PCDHGB6: variants seen among roughly 807,000 people sequenced by gnomAD.
PCDHGB6 encodes protocadherin gamma subfamily B, 6, also known as protocadherin gamma-B6.
In PCDHGB6, 51 loss-of-function variants were observed where a neutral mutation model predicts 59.1. The ratio of observed to expected loss-of-function variants is 0.86; its 90% CI spans 0.69 to 1.09. The LOEUF (loss-of-function observed/expected upper bound fraction) is 1.09. PCDHGB6 is among the 50% of genes least tolerant of loss of function. PCDHGB6 has a pLI of 0.00. For missense variants in PCDHGB6, 1,148 were observed against 1,205.1 expected (o/e 0.95, Z 0.70); for synonymous variants, 466 against 495.1 (o/e 0.94, Z 0.78).
Position 141,491,019 on chromosome 5 carries a change from A to G in PCDHGB6, c.2419-3788A>G. 5 of 1,614,116 alleles carry G rather than the reference A, an allele frequency of 3.1e-6. No individual in the cohort carries two copies. The highest frequency in any genetic ancestry group is 4.2e-6 in the Non-Finnish European group (5 of 1,180,026). ...CTGGCTCCTTGGTCACCAAGGTGAC[A>G]GCCGTGGATGCTGATGCAGGCCACA... On this transcript the variant is annotated intron_variant, in intron 1 of 3. Coordinates refer to ENST00000520790, the MANE Select transcript of PCDHGB6 (RefSeq NM_018926.3). This position sits in a 1 kb window ranked among gnomAD's most constrained non-coding sequence, Gnocchi z 6.9.
At chr5:141,419,471 G>A in intron 1 of PCDHGB6, 1 of 1,612,462 alleles carries the variant, frequency 6.2e-7, no homozygotes, top group Non-Finnish European at 8.5e-7. Context: ...CCGCGACCAG[G>A]GCTCGCCCGC....
intron 1 of PCDHGB6, among the ~76,000 whole-genome samples, chr5:141,484,321 G>A (rs2099594762): frequency 6.6e-6 from 1 of 152,124 alleles, no homozygotes; most frequent in Non-Finnish European, 1.5e-5. Flanking sequence ...CTTCCATACT[G>A]TCCTTGAAAT....
intron 1 of PCDHGB6, among the ~76,000 whole-genome samples, chr5:141,425,585 A>G (rs1270579511): frequency 6.6e-6 from 1 of 152,252 alleles, no homozygotes; most frequent in African/African-American, 2.4e-5. Flanking sequence ...GGCTAACTTT[A>G]TTCTGAATAT....
At chr5:141,415,524 C>G in intron 1 of PCDHGB6, 1 of 1,614,154 alleles carries the variant, frequency 6.2e-7, no homozygotes, top group Non-Finnish European at 8.5e-7. Context: ...CGGACACGCT[C>G]ATCAGCCAGG....
intron 1 of PCDHGB6, among the ~76,000 whole-genome samples, chr5:141,460,951 G>GTATATA (rs200454978): frequency 7.2e-6 from 1 of 139,722 alleles, no homozygotes; most frequent in African/African-American, 2.8e-5. Flanking sequence ...TATGTATTAT[G>GTATATA]TATATATATA....
Position 141,512,594 on chromosome 5 carries a change from G to C in PCDHGB6, c.*1421G>C, listed in dbSNP as rs981124898. On this transcript the variant is annotated 3_prime_UTR_variant, in exon 4 of 4. Transcript: ENST00000520790. ...CACCCCCTTCTGCCCCTGGGTCCCC[G>C]GCCATCCAGCGGGGCTGCCAGAGAA... 1 of 152,812 alleles carries C rather than the reference G, an allele frequency of 6.5e-6. No homozygotes were observed. The highest frequency in any genetic ancestry group is 6.5e-5 in the Admixed American group (1 of 15,280). The allele number at this position is 152,812 out of a possible 1,614,324, so 9.5% of individuals were successfully genotyped here. A position where few individuals can be genotyped will look rare whatever the true frequency, so the allele number is the denominator to read the frequency against.
intron 1 of PCDHGB6, among the ~76,000 whole-genome samples, chr5:141,446,065 G>T (rs1285093512): frequency 2.0e-5 from 3 of 152,306 alleles, no homozygotes; most frequent in African/African-American, 7.2e-5. Flanking sequence ...GATTAAAGGG[G>T]AGGCAGTGGA....
intron 1 of PCDHGB6, among the ~76,000 whole-genome samples, chr5:141,443,297 A>G (rs1208893030): frequency 6.7e-6 from 1 of 148,196 alleles, no homozygotes; most frequent in East Asian, 2.0e-4. Context: ...CCTGGACAGC[A>G]TGGCAAAAAC....
At chr5:141,453,001 G>C (rs1225973632) in intron 1 of PCDHGB6, among the ~76,000 whole-genome samples, 3 of 152,168 alleles carry the variant, frequency 2.0e-5, no homozygotes, top group African/African-American at 7.2e-5. Flanking sequence ...AAAGTTACCT[G>C]TAGTATAGTT....
At chr5:141,418,802 T>G (rs775155011) in intron 1 of PCDHGB6, 1 of 1,613,862 alleles carries the variant, frequency 6.2e-7, no homozygotes, top group Non-Finnish European at 8.5e-7. Flanking sequence ...AGTAGAAAGA[T>G]ATACGATAAA....
Position 141,432,878 on chromosome 5 carries a change from TTCGTCA to T in PCDHGB6, c.2418+22261_2418+22266del. 6.2e-7 allele frequency: 1 copy of T among 1,614,178 alleles called. No individual in the cohort carries two copies. The highest frequency in any genetic ancestry group is 1.7e-5 in the Admixed American group (1 of 60,036). Reference sequence around the variant, plus strand: ...CGCGGTCTCCTGCGTCTTCCTGGCCTTCGTCATCTTGCTGCTGGCGCTCAGGCTGCG... The same window carrying T: ...CGCGGTCTCCTGCGTCTTCCTGGCCTTCTTGCTGCTGGCGCTCAGGCTGCG... On this transcript the variant is annotated intron_variant, in intron 1 of 3. Transcript: ENST00000520790. This position sits in a 1 kb window ranked among gnomAD's most constrained non-coding sequence, Gnocchi z 6.0.
intron 1 of PCDHGB6, among the ~76,000 whole-genome samples, chr5:141,484,821 G>A (rs1367529999): frequency 6.6e-6 from 1 of 152,122 alleles, no homozygotes; most frequent in Admixed American, 6.5e-5. Context: ...CGTTGAGCGG[G>A]AGGAAGGCGA....
chr5:141,481,502 T>G (rs1425241526), intron 1 of PCDHGB6, among the ~76,000 whole-genome samples: 1 of 152,232 alleles, frequency 6.6e-6, no homozygotes, highest in Non-Finnish European at 1.5e-5. Context: ...TTGCATGGTA[T>G]GTGAATTATG....
intron 1 of PCDHGB6, among the ~76,000 whole-genome samples, chr5:141,466,268 T>A (rs568525260): frequency 6.6e-6 from 1 of 152,150 alleles, no homozygotes; most frequent in Non-Finnish European, 1.5e-5. Context: ...CCTCGTGAGC[T>A]CAAGCAATCT....
intron 1 of PCDHGB6, among the ~76,000 whole-genome samples, chr5:141,448,751 T>C (rs888567097): frequency 1.3e-5 from 2 of 151,804 alleles, no homozygotes; most frequent in South Asian, 4.2e-4. Context: ...CCATCCTGGC[T>C]AACACGGTGA....
chr5:141,498,786 A>T (rs2099785591), intron 2 of PCDHGB6, among the ~76,000 whole-genome samples: 1 of 152,050 alleles, frequency 6.6e-6, no homozygotes, highest in East Asian at 1.9e-4. Context: ...ACAAAATATT[A>T]GCCAGGTGTG....
intron 2 of PCDHGB6, among the ~76,000 whole-genome samples, chr5:141,503,611 A>AG (rs992110793): frequency 6.6e-6 from 1 of 151,948 alleles, no homozygotes; most frequent in Non-Finnish European, 1.5e-5. Flanking sequence ...AAAAAAAAAA[A>AG]AAAGAAAAAA....
chr5:141,468,230 TAGG>T (rs1451844939), intron 1 of PCDHGB6, among the ~76,000 whole-genome samples: 9 of 141,220 alleles, frequency 6.4e-5, no homozygotes, highest in South Asian at 2.2e-4. Context: ...GAGGATGAGG[TAGG>T]AGAATTGCCT....
chr5:141,449,804 T>C (rs991937787), intron 1 of PCDHGB6, among the ~76,000 whole-genome samples: 2 of 151,676 alleles, frequency 1.3e-5, no homozygotes, highest in Non-Finnish European at 2.9e-5. Flanking sequence ...AAATACCTCA[T>C]TGTGTATTTC....
Sources: allele counts gnomAD v4.1 joint callset (sites outside exome capture counted in the v4.1 genomes callset), GRCh38; gene constraint gnomAD v4.1.1; non-coding constraint Gnocchi (gnomAD v3.1); transcripts MANE v1.5; gene names NCBI Gene and HGNC (gene_info 2026-07-23, HGNC 2026-07-21).